GPR143: variants seen among roughly 807,000 people sequenced by gnomAD.
The protein encoded by GPR143 is G protein-coupled receptor 143.
Under a neutral mutation model 27.6 loss-of-function variants are expected in GPR143, and 8 were observed. The observed-to-expected ratio is 0.29, with a 90% CI of 0.17 to 0.52. The LOEUF is 0.52. Among genes scored for constraint, GPR143 ranks in the 20% least tolerant of loss-of-function variants. The pLI, the probability that GPR143 is intolerant of heterozygous loss-of-function variation, is 0.96. For synonymous variants in GPR143, 156 were observed against 153.2 expected (o/e 1.02, Z -0.13); for missense variants, 303 against 343.1 (o/e 0.88, Z 0.92).
chrX:9,755,122 T>A (rs988610302), intron 3 of GPR143, among the ~76,000 whole-genome samples: 2 of 112,151 alleles, frequency 1.8e-5, no homozygotes, highest in South Asian at 7.3e-4. Context: ...AAGTGTGGCA[T>A]GAAACTAAGT....
At chrX:9,728,040 C>T (rs975682488) in intron 8 of GPR143, among the ~76,000 whole-genome samples, 25 of 112,595 alleles carry the variant, frequency 2.2e-4, no homozygotes, top group African/African-American at 7.7e-4. Flanking sequence ...CTCTCTAAAA[C>T]CATGCTCCTA....
chrX:9,760,862 C>T (rs770761443), intron 1 of GPR143, 36 bp from the exon 2 acceptor site: 4 of 710,802 alleles, frequency 5.6e-6, no homozygotes, highest in Non-Finnish European at 8.6e-6. Flanking sequence ...GTATCTGATC[C>T]TAATCAAATA....
At chrX:9,760,614 G>A (rs951297057) in intron 2 of GPR143, 103 bp downstream of exon 2, 2 of 521,487 alleles carry the variant, frequency 3.8e-6, no homozygotes. Flanking sequence ...GATGGGGCAG[G>A]ACGTGAGAAC....
At chrX:9,751,659 G>C (rs1271288024) in intron 3 of GPR143, among the ~76,000 whole-genome samples, 1 of 112,376 alleles carries the variant, frequency 8.9e-6, no homozygotes, top group Non-Finnish European at 1.9e-5. Context: ...TTCTTTTTGG[G>C]ATGGTAGAAA....
upstream of GPR143, among the ~76,000 whole-genome samples, chrX:9,769,848 C>T (rs963610043): frequency 1.8e-5 from 2 of 111,147 alleles, no homozygotes; most frequent in African/African-American, 6.5e-5. Flanking sequence ...TCCCAAAGTG[C>T]GGGGATTGCA....
Position 9,741,343 on chromosome X carries a change from T to C in GPR143, c.880A>G (p.Ile294Val), listed in dbSNP as rs1385561748. 2 of 885,904 alleles carry C rather than the reference T, an allele frequency of 2.3e-6. No individual in the cohort carries two copies. Among genetic ancestry groups the C allele is most frequent in the Admixed American group, 4.6e-5 (2 of 43,489 alleles). The allele number at this position is 885,904 out of a possible 1,213,427, so 73.0% of individuals were successfully genotyped here. A position where few individuals can be genotyped will look rare whatever the true frequency, so the allele number is the denominator to read the frequency against. The change falls in exon 7 of 9, where the codon ATT becomes GTT. Residue 294 changes from isoleucine (I) to valine (V), a missense_variant. Transcript: ENST00000467482. ...TAAAATATAGATTGACCTACCATAA[T>C]AAACCATGTGGTCTTGGCTGCAGTT... ...VRTAAKTTWF[I>V]MGILNPAQGF... is the part of the protein sequence containing the mutation.
At chrX:9,764,528 A>G (rs927087585) in intron 1 of GPR143, among the ~76,000 whole-genome samples, 53 of 108,405 alleles carry the variant, frequency 4.9e-4, no homozygotes, top group Non-Finnish European at 8.2e-4. Context: ...ACACACACAC[A>G]CACACACACA....
rs776037352 is a variant in GPR143, at chrX:9,742,832, T to C, written c.767+733A>G. Among the ~76,000 whole-genome samples, 8 of 110,910 alleles carry C rather than the reference T, an allele frequency of 7.2e-5. No individual in the cohort carries two copies. The South Asian group carries it at 3.0e-3, about 42-fold the overall frequency. ...AGTTTATAAAGCATGACCAGCTGAG[T>C]GTGGTGGCTCACGCCTGTAATCCCA... On this transcript the variant is annotated intron_variant, in intron 6 of 8. Transcript: ENST00000467482.
chrX:9,729,615 C>T (rs1601869251), intron 8 of GPR143, among the ~76,000 whole-genome samples: 1 of 112,364 alleles, frequency 8.9e-6, no homozygotes, highest in East Asian at 2.8e-4. Flanking sequence ...TCTTAAAGGT[C>T]TCTGTGAGCA....
upstream of GPR143, among the ~76,000 whole-genome samples, chrX:9,768,548 T>C (rs1300712143): frequency 2.7e-5 from 3 of 111,911 alleles, no homozygotes. Context: ...AGCGTGCTGC[T>C]GCGCACCTGT....
rs745535490 is a variant in GPR143, at chrX:9,741,350, T to C, written c.873A>G (p.Thr291=). The C allele has an allele frequency of 1.1e-5, 10 of 925,458 alleles. No homozygotes were observed. Among genetic ancestry groups the C allele is most frequent in the African/African-American group, 1.9e-5 (1 of 51,793 alleles). 76.3% of individuals were successfully genotyped at this position (925,458 alleles called of 1,213,427 possible). The change falls in exon 7 of 9, where the codon ACA becomes ACG. Residue 291 remains threonine, a synonymous_variant. Transcript: ENST00000467482. The stretch of plus-strand genomic sequence containing the variant: ...TAGATTGACCTACCATAATAAACCA[T>C]GTGGTCTTGGCTGCAGTTCTGACAG... ...LKPVRTAAKT[T]WFIMGILNPA...
chrX:9,753,558 C>G (rs932027998), intron 3 of GPR143, among the ~76,000 whole-genome samples: 1 of 110,953 alleles, frequency 9.0e-6, no homozygotes, highest in African/African-American at 3.3e-5. Flanking sequence ...CTTTTTCCTA[C>G]CTGATCCTCT....
At chrX:9,745,487 G>A (rs951540952) in intron 5 of GPR143, among the ~76,000 whole-genome samples, 7 of 111,900 alleles carry the variant, frequency 6.3e-5, no homozygotes, top group African/African-American at 2.3e-4. Flanking sequence ...CTTCCTTGAG[G>A]GGAAAGTAGG....
At chrX:9,751,221 C>T (rs2083449974) in intron 3 of GPR143, among the ~76,000 whole-genome samples, 1 of 112,550 alleles carries the variant, frequency 8.9e-6, no homozygotes, top group Non-Finnish European at 1.9e-5. Flanking sequence ...TTACGCTGCC[C>T]TCCAGGGCAG....
chrX:9,755,490 TAA>T (rs34266967), intron 3 of GPR143, among the ~76,000 whole-genome samples: 7 of 74,995 alleles, frequency 9.3e-5, no homozygotes, highest in Admixed American at 1.5e-4. Flanking sequence ...AAACTCCATC[TAA>T]AAAAAAAAAA....
At chrX:9,733,631 AAAAG>A (rs1696431017) in intron 8 of GPR143, among the ~76,000 whole-genome samples, 1 of 111,703 alleles carries the variant, frequency 9.0e-6, no homozygotes, top group African/African-American at 3.3e-5. Context: ...ACTGTGGAAA[AAAAG>A]AAAGGATTAT....
At chrX:9,726,007 GTGGGA>G in intron 8 of GPR143, 167 bp from the exon 9 acceptor site, 5 of 604,714 alleles carry the variant, frequency 8.3e-6, no homozygotes, top group Non-Finnish European at 9.6e-6. Context: ...AAAAAAAAAG[GTGGGA>G]GGGGTGGAAA....
At position 9,741,446 on chromosome X, in the gene GPR143, C is replaced by T. The variant is rs367731111; in HGVS notation, c.777G>A (p.Ser259=). 1.2e-4 allele frequency: 124 copies of T among 1,003,215 alleles called. No individual in the cohort carries two copies. Among genetic ancestry groups the T allele is most frequent in the Non-Finnish European group, 1.7e-4 (117 of 707,130 alleles). The allele number at this position is 1,003,215 out of a possible 1,213,427, so 82.7% of individuals were successfully genotyped here. A position where few individuals can be genotyped will look rare whatever the true frequency, so the allele number is the denominator to read the frequency against. The change falls in exon 7 of 9, where the codon TCG becomes TCA. Residue 259 remains serine (S), a synonymous_variant. Transcript: ENST00000467482. ...IMLVLIICWL[S]NIINESLLFY... ...ATAAAAGGCTTTCATTGATGATATT[C>T]GACAACCAACTGTTAGAAAGAAAAT... is the stretch of plus-strand genomic sequence containing the variant.
intron 8 of GPR143, among the ~76,000 whole-genome samples, chrX:9,733,856 C>A (rs2083366531): frequency 9.0e-6 from 1 of 110,649 alleles, no homozygotes; most frequent in African/African-American, 3.3e-5. Context: ...CCGAGGCGGG[C>A]AGATCACAAA....
Sources: allele counts gnomAD v4.1 joint callset (sites outside exome capture counted in the v4.1 genomes callset), GRCh38; gene constraint gnomAD v4.1.1; transcripts MANE v1.5; gene names NCBI Gene and HGNC (gene_info 2026-07-23, HGNC 2026-07-21).